ANKRD17: variants seen among roughly 807,000 people sequenced by gnomAD.
The protein encoded by ANKRD17 is ankyrin repeat domain 17.
ANKRD17 carries 19 observed loss-of-function variants against 229.7 expected under a neutral mutation model. The observed-to-expected ratio is 0.08, with a 90% CI of 0.06 to 0.12. The LOEUF (loss-of-function observed/expected upper bound fraction) is 0.12. Among genes scored for constraint, ANKRD17 ranks in the 10% least tolerant of loss-of-function variants. ANKRD17 has a pLI of 1.00. For missense variants in ANKRD17, 2,176 were observed against 3,176.8 expected, an observed-to-expected ratio of 0.68 and a Z score of 7.57; for synonymous variants, 1,112 against 1,146.1, an observed-to-expected ratio of 0.97 and a Z score of 0.60.
Position 73,125,300 on chromosome 4 carries a change from G to T in ANKRD17, c.3247C>A (p.His1083Asn). The T allele has an allele frequency of 6.2e-7, 1 of 1,608,294 alleles. No homozygotes were observed. Among genetic ancestry groups the T allele is most frequent in the Non-Finnish European group, 8.5e-7 (1 of 1,176,864 alleles). Reference sequence around the variant, plus strand: ...CAGGCAAGTGTTAGTGCCGTGTCATGATTACTCTCAGTCTATAAGAAATTA... The same window carrying T: ...CAGGCAAGTGTTAGTGCCGTGTCATTATTACTCTCAGTCTATAAGAAATTA... ...IDIDAQTESN[H>N]DTALTLACAG... Residue 1083 changes from histidine (H) to asparagine (N), a missense_variant, in exon 17 of 34, where the codon CAT (histidine) becomes AAT (asparagine). Physicochemically the swap from His to Asn is moderately conservative, Grantham distance 68. This residue lies in a region of ANKRD17 where 230 missense variants were observed against 252.3 expected (regional missense o/e 0.91). Transcript: ENST00000358602.
intron 1 of ANKRD17, among the ~76,000 whole-genome samples, chr4:73,242,431 C>T (rs1182609664): frequency 1.3e-5 from 2 of 151,942 alleles, no homozygotes; most frequent in Non-Finnish European, 2.9e-5. Context: ...AAAATCTATA[C>T]AAAAACTAAA....
Position 73,242,633 on chromosome 4 carries a change from CAA to C in ANKRD17, c.393+15641_393+15642del, listed in dbSNP as rs1367669092. ...TCTGACATGTTAAATGAACAATATC[CAA>C]AACTCTTGAGAAAGAAGCTCAATGA... On this transcript the variant is annotated intron_variant, in intron 1 of 33. Coordinates refer to ENST00000358602, the MANE Select transcript of ANKRD17 (RefSeq NM_032217.5). Among the ~76,000 whole-genome samples the C allele has an allele frequency of 2.6e-5, 4 of 152,074 alleles. No homozygotes were observed. The East Asian group carries it at 7.7e-4, about 29-fold the overall frequency.
rs1343461095 is a variant in ANKRD17 at position 73,077,549 on chromosome 4, G to GAGGCAAAACAAAA, written c.7409-29_7409-17dup. ...TCTACTTTGTCTGAGGGCAAACAAA[G>GAGGCAAAACAAAA]AGGCAAAACAAAAATAGATAATATT... is the stretch of plus-strand genomic sequence containing the variant. On this transcript the variant is annotated splice_polypyrimidine_tract_variant and intron_variant, in intron 31 of 33. Transcript: ENST00000358602. 1 of 1,534,504 alleles carries GAGGCAAAACAAAA rather than the reference G, an allele frequency of 6.5e-7. No individual in the cohort carries two copies. Among genetic ancestry groups the GAGGCAAAACAAAA allele is most frequent in the Non-Finnish European group, 8.8e-7 (1 of 1,142,374 alleles).
At chr4:73,146,201 T>A (rs1730262892) in intron 10 of ANKRD17, among the ~76,000 whole-genome samples, 1 of 152,092 alleles carries the variant, frequency 6.6e-6, no homozygotes. Flanking sequence ...ACTTTAGCCA[T>A]CCCCAAAATA....
At chr4:73,151,053 G>A (rs964970453) in intron 7 of ANKRD17, among the ~76,000 whole-genome samples, 7 of 151,874 alleles carry the variant, frequency 4.6e-5, no homozygotes, top group African/African-American at 1.5e-4. Flanking sequence ...TAGAGAGGGG[G>A]TCTTGGTATG....
rs890264516 is a variant in ANKRD17, at chr4:73,209,636, G to A, written c.394-32103C>T. ...TTTACGAGGCTTGCATTTCCCTTAC[G>A]CAAAAAAGATCAAATATATTACAAG... On this transcript the variant is annotated intron_variant, in intron 1 of 33. Coordinates refer to ENST00000358602, the MANE Select transcript of ANKRD17 (RefSeq NM_032217.5). Among the ~76,000 whole-genome samples, 19 of 149,012 alleles carry A rather than the reference G, an allele frequency of 1.3e-4. No individual in the cohort carries two copies. The South Asian group carries it at 1.5e-3, about 12-fold the overall frequency.
At chr4:73,158,192 G>GAGAGAA (rs1338340687) in intron 3 of ANKRD17, among the ~76,000 whole-genome samples, 17 of 45,658 alleles carry the variant, frequency 3.7e-4, no homozygotes, top group Admixed American at 1.5e-3. Flanking sequence ...AAGAAAGAGA[G>GAGAGAA]AGAAAGAAAG....
At chr4:73,228,050 G>GA (rs1421538422) in intron 1 of ANKRD17, among the ~76,000 whole-genome samples, 1 of 151,490 alleles carries the variant, frequency 6.6e-6, no homozygotes, top group African/African-American at 2.4e-5. Flanking sequence ...TAAACTACTA[G>GA]AAAAAAAACT....
chr4:73,152,826 T>A (rs183756067), intron 6 of ANKRD17, among the ~76,000 whole-genome samples: 2 of 152,036 alleles, frequency 1.3e-5, no homozygotes, highest in Non-Finnish European at 2.9e-5. Flanking sequence ...ATAAACAGGA[T>A]TGGGGAAGGG....
chr4:73,077,677 C>G, intron 31 of ANKRD17, 144 bp from the exon 32 acceptor site: 1 of 709,640 alleles, frequency 1.4e-6, no homozygotes, highest in Non-Finnish European at 2.1e-6. Flanking sequence ...GCAATATTTC[C>G]ATGGTTTGTA....
chr4:73,134,921 C>T (rs561383171), intron 16 of ANKRD17, among the ~76,000 whole-genome samples, 196 bp downstream of exon 16: 2 of 152,192 alleles, frequency 1.3e-5, no homozygotes, highest in South Asian at 2.1e-4. Flanking sequence ...GGAAACCAGA[C>T]CATCACATAA....
chr4:73,156,741 G>T (rs1019664761), intron 3 of ANKRD17, among the ~76,000 whole-genome samples: 1 of 152,018 alleles, frequency 6.6e-6, no homozygotes, highest in Non-Finnish European at 1.5e-5. Context: ...CACCATGATT[G>T]TAAGTTTTCT....
At chr4:73,154,767 C>T (rs377261570) in intron 5 of ANKRD17, among the ~76,000 whole-genome samples, 1 of 152,114 alleles carries the variant, frequency 6.6e-6, no homozygotes, top group Non-Finnish European at 1.5e-5. Context: ...ACGGGCCGGG[C>T]GCGGTGGCTC....
intron 1 of ANKRD17, among the ~76,000 whole-genome samples, chr4:73,197,215 G>T (rs1419337346): frequency 1.3e-5 from 2 of 152,088 alleles, no homozygotes; most frequent in Non-Finnish European, 2.9e-5. Context: ...AAACACCACT[G>T]AAGTCTTATA....
intron 2 of ANKRD17, among the ~76,000 whole-genome samples, chr4:73,170,851 G>A (rs1267040218): frequency 6.6e-6 from 1 of 152,114 alleles, no homozygotes; most frequent in Non-Finnish European, 1.5e-5. Context: ...CAAAGATACA[G>A]TACAATAGAC....
At position 73,147,266 on chromosome 4, in the gene ANKRD17, C is replaced by T. The variant is rs368502629; in HGVS notation, c.1734G>A (p.Glu578=). The T allele has an allele frequency of 1.3e-6, 2 of 1,565,750 alleles. No individual in the cohort carries two copies. Among genetic ancestry groups the T allele is most frequent in the Non-Finnish European group, 1.7e-6 (2 of 1,158,756 alleles). The change falls in exon 9 of 34, where the codon GAG becomes GAA. Residue 578 remains glutamate, a synonymous_variant. Transcript: ENST00000358602. ...CTGCAGCTAATAAGTATTTAACTAA[C>T]TCCAAATGACCCTCTTGAGCAGCTT... is the stretch of plus-strand genomic sequence containing the variant. ...LMEAAQEGHL[E]LVKYLLAAGA...
intron 4 of ANKRD17, 81 bp from the exon 5 acceptor site, chr4:73,155,859 C>T: frequency 1.3e-6 from 2 of 1,517,612 alleles, no homozygotes; most frequent in South Asian, 1.2e-5. Flanking sequence ...ATAACGTCTA[C>T]CTAGTCATAG....
At chr4:73,077,273 GA>G (rs1577971632) in intron 32 of ANKRD17, 81 bp downstream of exon 32, 2 of 1,390,464 alleles carry the variant, frequency 1.4e-6, no homozygotes, top group Non-Finnish European at 1.9e-6. Flanking sequence ...TTTAACATTA[GA>G]TTATACATAT....
intron 1 of ANKRD17, among the ~76,000 whole-genome samples, chr4:73,204,078 G>T (rs1456206492): frequency 6.6e-6 from 1 of 152,026 alleles, no homozygotes; most frequent in African/African-American, 2.4e-5. Flanking sequence ...AAACAATCTT[G>T]TACGGGCGCG....
Sources: allele counts gnomAD v4.1 joint callset (sites outside exome capture counted in the v4.1 genomes callset), GRCh38; gene constraint gnomAD v4.1.1; regional missense constraint gnomAD v4.1.1; transcripts MANE v1.5; gene names NCBI Gene and HGNC (gene_info 2026-07-23, HGNC 2026-07-21).